Variants in ZNF385B observed in about 807,000 individuals in gnomAD.
ZNF385B encodes the protein zinc finger protein 385B.
In ZNF385B, 23 loss-of-function variants were observed where a neutral mutation model predicts 39.2. That is an observed-to-expected ratio of 0.59 (90% CI 0.42 to 0.83). ZNF385B has a LOEUF of 0.83. Among genes scored for constraint, ZNF385B ranks in the 40% least tolerant of loss-of-function variants. ZNF385B has a pLI of 0.00. For missense variants in ZNF385B, 552 were observed against 598.9 expected, an observed-to-expected ratio of 0.92 and a Z score of 0.82; for synonymous variants, 205 against 222.6, an observed-to-expected ratio of 0.92 and a Z score of 0.70.
rs1235082869 is a variant in ZNF385B at position 179,723,429 on chromosome 2, TA to T, written c.298+46073del. ...GTGGATTATCAGTAGAATATATAAA[TA>T]AATTGAAATGTAGGATATACAAAAT... is the stretch of plus-strand genomic sequence containing the variant. On this transcript the variant is annotated intron_variant, in intron 3 of 9. Coordinates refer to ENST00000410066, the MANE Select transcript of ZNF385B (RefSeq NM_152520.6). Among the ~76,000 whole-genome samples the T allele has an allele frequency of 2.0e-5, 3 of 152,224 alleles. No individual in the cohort carries two copies. The East Asian group carries it at 5.8e-4, about 29-fold the overall frequency.
At chr2:179,684,815 C>T (rs1195964704) in intron 3 of ZNF385B, among the ~76,000 whole-genome samples, 2 of 152,198 alleles carry the variant, frequency 1.3e-5, no homozygotes, top group South Asian at 2.1e-4. Flanking sequence ...CTACCCTCTC[C>T]GAGGATTTAG....
intron 3 of ZNF385B, among the ~76,000 whole-genome samples, chr2:179,601,078 T>C (rs762978946): frequency 6.6e-6 from 1 of 152,190 alleles, no homozygotes; most frequent in African/African-American, 2.4e-5. Flanking sequence ...TATAACCCAG[T>C]TGGGTATCCC....
intron 4 of ZNF385B, among the ~76,000 whole-genome samples, chr2:179,535,935 A>C (rs1467432382): frequency 1.3e-5 from 2 of 152,200 alleles, no homozygotes; most frequent in Non-Finnish European, 2.9e-5. Flanking sequence ...AAAAATCTAG[A>C]AGGTGGAAGT....
chr2:179,448,565 C>A (rs2292820), intron 6 of ZNF385B, among the ~76,000 whole-genome samples: 17,428 of 152,034 alleles, frequency 0.11, 1,352 homozygotes, highest in East Asian at 0.35. Context: ...TTATATAGAA[C>A]TTTACAGTTT....
At chr2:179,593,484 T>C (rs1272395892) in intron 3 of ZNF385B, among the ~76,000 whole-genome samples, 1 of 152,204 alleles carries the variant, frequency 6.6e-6, no homozygotes, top group Non-Finnish European at 1.5e-5. Context: ...AAATTGAACA[T>C]ATCCTCTCAT....
chr2:179,816,164 T>G (rs190338244), intron 1 of ZNF385B, among the ~76,000 whole-genome samples: 2 of 152,270 alleles, frequency 1.3e-5, no homozygotes, highest in East Asian at 3.9e-4. Context: ...AAACGGAAAC[T>G]TCATTCATCA....
intron 1 of ZNF385B, among the ~76,000 whole-genome samples, chr2:179,797,375 A>C (rs78200327): frequency 0.049 from 7,401 of 152,286 alleles, 268 homozygotes; most frequent in Middle Eastern, 0.078. Context: ...ATGTAAATTA[A>C]AAAATACATA....
intron 6 of ZNF385B, among the ~76,000 whole-genome samples, chr2:179,473,348 G>A (rs749610432): frequency 3.3e-5 from 5 of 152,164 alleles, no homozygotes; most frequent in East Asian, 1.9e-4. Context: ...GTCATGAAAC[G>A]ATCATAGAGT....
chr2:179,518,119 A>T (rs944868784), intron 5 of ZNF385B, among the ~76,000 whole-genome samples: 4 of 152,158 alleles, frequency 2.6e-5, no homozygotes, highest in Non-Finnish European at 5.9e-5. Context: ...TGACAAGTGA[A>T]TATAATTAGT....
intron 3 of ZNF385B, among the ~76,000 whole-genome samples, chr2:179,595,164 A>T (rs1687894994): frequency 6.6e-6 from 1 of 152,216 alleles, no homozygotes; most frequent in African/African-American, 2.4e-5. Context: ...ATTAATGAAG[A>T]TCTGAAACTA....
intron 3 of ZNF385B, among the ~76,000 whole-genome samples, chr2:179,587,181 A>G (rs1451123499): frequency 6.6e-6 from 1 of 152,240 alleles, no homozygotes; most frequent in Middle Eastern, 3.2e-3. Flanking sequence ...AATACATACC[A>G]GCTGAAGACA....
intron 3 of ZNF385B, among the ~76,000 whole-genome samples, chr2:179,701,875 A>G (rs76620556): frequency 0.013 from 1,907 of 152,292 alleles, 46 homozygotes; most frequent in African/African-American, 0.042. Flanking sequence ...GCTCTTCCAC[A>G]TATAAAGGTA....
intron 5 of ZNF385B, among the ~76,000 whole-genome samples, chr2:179,501,296 T>C (rs1404686447): frequency 6.6e-6 from 1 of 152,210 alleles, no homozygotes; most frequent in Non-Finnish European, 1.5e-5. Flanking sequence ...CTCCTATGTT[T>C]GTTGCAGCAC....
At chr2:179,816,577 G>A (rs1167345268) in intron 1 of ZNF385B, among the ~76,000 whole-genome samples, 1 of 152,176 alleles carries the variant, frequency 6.6e-6, no homozygotes, top group Non-Finnish European at 1.5e-5. Context: ...GAGAGCAGGA[G>A]GATCTTCTGC....
chr2:179,520,316 AAAG>A (rs2058391785), intron 4 of ZNF385B, among the ~76,000 whole-genome samples: 1 of 152,084 alleles, frequency 6.6e-6, no homozygotes, highest in Non-Finnish European at 1.5e-5. Context: ...AATAAGTAAA[AAAG>A]AAAAACCTTC....
intron 1 of ZNF385B, among the ~76,000 whole-genome samples, chr2:179,850,041 T>C (rs1055812745): frequency 5.9e-5 from 9 of 152,308 alleles, no homozygotes; most frequent in African/African-American, 2.2e-4. Flanking sequence ...CTGTGCCTTT[T>C]GCTGTTAAAT....
At chr2:179,698,054 G>T (rs1698902856) in intron 3 of ZNF385B, among the ~76,000 whole-genome samples, 1 of 152,112 alleles carries the variant, frequency 6.6e-6, no homozygotes, top group Non-Finnish European at 1.5e-5. Context: ...AGTGGAGTGA[G>T]GGGGGAGGGA....
chr2:179,474,108 TAA>T (rs10715636), intron 6 of ZNF385B, among the ~76,000 whole-genome samples: 2 of 146,672 alleles, frequency 1.4e-5, no homozygotes, highest in African/African-American at 5.0e-5. Flanking sequence ...CAATTTGATT[TAA>T]AAAAAAAAAC....
chr2:179,445,346 C>G (rs1197371079), intron 8 of ZNF385B, among the ~76,000 whole-genome samples: 1 of 152,196 alleles, frequency 6.6e-6, no homozygotes, highest in Non-Finnish European at 1.5e-5. Flanking sequence ...AGCCTGGAAC[C>G]TGACATATAG....
Sources: allele counts gnomAD v4.1 joint callset (sites outside exome capture counted in the v4.1 genomes callset), GRCh38; gene constraint gnomAD v4.1.1; transcripts MANE v1.5; gene names NCBI Gene and HGNC (gene_info 2026-07-23, HGNC 2026-07-21).